The following SH3TC2 variants were observed in gnomAD, a reference collection of about 807,000 sequenced individuals.
SH3TC2 encodes the protein SH3 domain and tetratricopeptide repeats 2, also known as SH3 domain and tetratricopeptide repeat-containing protein 2.
Under a neutral mutation model 124.5 loss-of-function variants are expected in SH3TC2, and 87 were observed. The observed-to-expected ratio is 0.70, with a 90% confidence interval of 0.59 to 0.84. The LOEUF (loss-of-function observed/expected upper bound fraction) is 0.84, where lower values mean the gene tolerates loss of function less well. SH3TC2 is among the 40% of genes least tolerant of loss of function. The probability of loss-of-function intolerance (pLI) is 0.00; values close to 1 mark genes in which losing one functional copy is unlikely to be tolerated. For missense variants in SH3TC2, 1,536 were observed against 1,566.4 expected, an observed-to-expected ratio of 0.98 and a Z score of 0.33; for synonymous variants, 634 against 628.5, an observed-to-expected ratio of 1.01 and a Z score of -0.13.
rs1029057351 is a variant in SH3TC2, at chr5:148,988,805, T to A, written c.*15906A>T. 6.6e-6 allele frequency among the ~76,000 whole-genome samples: 1 copy of A among 152,200 alleles called. No homozygotes were observed. Among genetic ancestry groups the A allele is most frequent in the African/African-American group, 2.4e-5 (1 of 41,450 alleles). ...TGATAAGCTGTTTTAAATCAGAAAC[T>A]TTTGGGGTGGTTTGTTATGTCACTT... On this transcript the variant is annotated 3_prime_UTR_variant, in exon 17 of 17. Coordinates refer to ENST00000515425, the MANE Select transcript of SH3TC2 (RefSeq NM_024577.4).
chr5:149,061,638 C>G (rs1754750803), intron 1 of SH3TC2, among the ~76,000 whole-genome samples: 1 of 152,036 alleles, frequency 6.6e-6, no homozygotes. Context: ...GTAAAAGAAC[C>G]AAGATAAAAT....
Position 149,027,393 on chromosome 5 carries a change from A to G in SH3TC2, c.2339T>C (p.Leu780Pro). 3.1e-6 allele frequency: 5 copies of G among 1,614,150 alleles called. No individual in the cohort carries two copies. The highest frequency in any genetic ancestry group is 4.2e-6 in the Non-Finnish European group (5 of 1,180,032). ...CTGCCCTAGCACCAAGGCCTGGCTC[A>G]GGTAGTGGATGGCACCGTCAGGAGA... is the stretch of plus-strand genomic sequence containing the variant. ...HRSPDGAIHYLSQALVLGQLL... is the reference protein window; with the variant it reads ...HRSPDGAIHYPSQALVLGQLL... The change falls in exon 11 of 17, where the codon CTG becomes CCG. Residue 780 changes from leucine to proline, a missense_variant. Physicochemically the swap from Leu to Pro is moderately conservative, Grantham distance 98. Transcript: ENST00000515425.
intron 14 of SH3TC2, 64 bp from the exon 15 acceptor site, chr5:149,009,065 G>A: frequency 6.2e-7 from 1 of 1,601,152 alleles, no homozygotes; most frequent in Middle Eastern, 1.7e-4. Context: ...CCATAGCTAG[G>A]AGACTTATCT....
At chr5:149,015,053 A>G (rs1379212542) in intron 12 of SH3TC2, among the ~76,000 whole-genome samples, 5 of 152,148 alleles carry the variant, frequency 3.3e-5, no homozygotes, top group African/African-American at 1.2e-4. Context: ...CAGAGCCAGC[A>G]TTTGCTTCTG....
Position 149,017,211 on chromosome 5 carries a change from G to A in SH3TC2, c.3054-4477C>T, listed in dbSNP as rs142336101. Among the ~76,000 whole-genome samples, 19 of 152,236 alleles carry A rather than the reference G, an allele frequency of 1.2e-4. No homozygotes were observed. The East Asian group carries it at 3.1e-3, about 25-fold the overall frequency. On this transcript the variant is annotated intron_variant, in intron 12 of 16. Coordinates refer to ENST00000515425, the MANE Select transcript of SH3TC2 (RefSeq NM_024577.4). ...TTTTTAGCACAGTGCCTGGGCCATAGTAAATGCTCGGTAAATATTTGTTGA... is the reference window on the plus strand; with the variant it reads ...TTTTTAGCACAGTGCCTGGGCCATAATAAATGCTCGGTAAATATTTGTTGA...
Position 149,026,680 on chromosome 5 carries a change from G to C in SH3TC2, c.2945C>G (p.Thr982Ser). Reference protein sequence around the residue: ...SVSPNPEACITYHEHWLALAQ... With the variant: ...SVSPNPEACISYHEHWLALAQ... The stretch of plus-strand genomic sequence containing the variant: ...CAGGGCCAGCCAGTGCTCATGGTAG[G>C]TGATGCATGCCTCAGGGTTTGGGGA... Residue 982 changes from threonine to serine, a missense_variant, in exon 12 of 17, where the codon ACC (threonine) becomes AGC (serine). By Grantham distance (58) the Thr-to-Ser change is moderately conservative. Transcript: ENST00000515425. 6.2e-6 allele frequency: 10 copies of C among 1,614,224 alleles called. No individual in the cohort carries two copies. The highest frequency in any genetic ancestry group is 8.5e-6 in the Non-Finnish European group (10 of 1,180,048).
rs1753457748 is a variant in SH3TC2, at chr5:148,993,699, T to C, written c.*11012A>G. Among the ~76,000 whole-genome samples the C allele has an allele frequency of 6.6e-6, 1 of 152,132 alleles. No homozygotes were observed. Among genetic ancestry groups the C allele is most frequent in the Admixed American group, 6.5e-5 (1 of 15,268 alleles). Reference sequence around the variant, plus strand: ...GCTTGGTAAGTGATGGAGGCAATCATTTACAGATGATGCTCTGACAAGGGA... The same window carrying C: ...GCTTGGTAAGTGATGGAGGCAATCACTTACAGATGATGCTCTGACAAGGGA... On this transcript the variant is annotated 3_prime_UTR_variant, in exon 17 of 17. Transcript: ENST00000515425.
intron 3 of SH3TC2, chr5:149,046,627 G>A (rs12513809): frequency 0.034 from 5,162 of 152,184 alleles, 340 homozygotes; most frequent in Admixed American, 0.16. Flanking sequence ...AGTAAGCTGC[G>A]GAGCCTTGAT....
rs749263197 is a variant in SH3TC2 at position 148,999,045 on chromosome 5, T to C, written c.*5666A>G. ...GCTTCATTGTGACAGCTACCACCAA[T>C]TGACATTCATACCAAGCCATCCATA... On this transcript the variant is annotated 3_prime_UTR_variant, in exon 17 of 17. Coordinates refer to ENST00000515425, the MANE Select transcript of SH3TC2 (RefSeq NM_024577.4). Among the ~76,000 whole-genome samples the C allele has an allele frequency of 1.1e-4, 17 of 152,212 alleles. No individual in the cohort carries two copies. Among genetic ancestry groups the C allele is most frequent in the African/African-American group, 2.9e-4 (12 of 41,452 alleles).
Position 148,986,619 on chromosome 5 carries a change from C to T in SH3TC2, c.*18092G>A, listed in dbSNP as rs141547859. Among the ~76,000 whole-genome samples the T allele has an allele frequency of 7.2e-5, 11 of 152,304 alleles. No individual in the cohort carries two copies. Among genetic ancestry groups the T allele is most frequent in the Non-Finnish European group, 1.6e-4 (11 of 68,038 alleles). On this transcript the variant is annotated 3_prime_UTR_variant, in exon 17 of 17. Transcript: ENST00000515425. Reference sequence around the variant, plus strand: ...GAATTATCATTTTAAAAGTGAACTTCAATTAGATTATTCATACACAACAGG... The same window carrying T: ...GAATTATCATTTTAAAAGTGAACTTTAATTAGATTATTCATACACAACAGG...
intron 12 of SH3TC2, among the ~76,000 whole-genome samples, chr5:149,020,879 C>A (rs1038300520): frequency 1.2e-4 from 19 of 152,102 alleles, no homozygotes; most frequent in African/African-American, 4.6e-4. Flanking sequence ...AACACACTTT[C>A]AATAATGGAT....
Position 149,028,125 on chromosome 5 carries a change from C to T in SH3TC2, c.1607G>A (p.Arg536Gln), listed in dbSNP as rs369977771. 155 of 1,613,958 alleles carry T rather than the reference C, an allele frequency of 9.6e-5. 1 individual carries two copies. Among genetic ancestry groups the T allele is most frequent in the African/African-American group, 1.2e-4 (9 of 74,940 alleles). Residue 536 changes from arginine (R) to glutamine (Q), a missense_variant, in exon 11 of 17, where the codon CGG (arginine) becomes CAG (glutamine). This residue lies in a region of SH3TC2 where 1,102 missense variants were observed against 1,098.6 expected (regional missense o/e 1.00). Transcript: ENST00000515425. Reference protein sequence around the residue: ...AHARLCFLLGRLSIRKVKLSQ... With the variant: ...AHARLCFLLGQLSIRKVKLSQ... Reference sequence around the variant, plus strand: ...GAGTTTGACCTTCCTGATGCTCAGCCGGCCCAGGAGGAAGCAGAGACGGGC... The same window carrying T: ...GAGTTTGACCTTCCTGATGCTCAGCTGGCCCAGGAGGAAGCAGAGACGGGC...
Position 148,986,855 on chromosome 5 carries a change from A to G in SH3TC2, c.*17856T>C, listed in dbSNP as rs1753340822. On this transcript the variant is annotated 3_prime_UTR_variant, in exon 17 of 17. Transcript: ENST00000515425. ...CGTTGTATAAACAGCATCAAGTGTT[A>G]ACTTGTTAAAACAGTTACACCCAAA... Among the ~76,000 whole-genome samples, 2 of 152,210 alleles carry G rather than the reference A, an allele frequency of 1.3e-5. No homozygotes were observed. Among genetic ancestry groups the G allele is most frequent in the South Asian group, 2.1e-4 (1 of 4,832 alleles).
chr5:149,037,644 C>T lies in SH3TC2; in HGVS notation c.1001+651G>A, dbSNP rs73795757. Among the ~76,000 whole-genome samples, 311 of 152,264 alleles carry T rather than the reference C, an allele frequency of 2.0e-3. 1 individual carries two copies. The highest frequency in any genetic ancestry group is 7.2e-3 in the African/African-American group (300 of 41,560). ...CTGCGCCCAGGCTTTCTACTGTTTC[C>T]TATCCCCACATAGGAAGCCCACTCC... On this transcript the variant is annotated intron_variant, in intron 8 of 16. Coordinates refer to ENST00000515425, the MANE Select transcript of SH3TC2 (RefSeq NM_024577.4).
At chr5:149,048,527 T>C (rs1754505793) in intron 2 of SH3TC2, among the ~76,000 whole-genome samples, 1 of 152,242 alleles carries the variant, frequency 6.6e-6, no homozygotes, top group East Asian at 1.9e-4. Context: ...TTAATGTTTA[T>C]CAGGGTAATT....
At chr5:149,045,838 G>C (rs1158469594) in intron 3 of SH3TC2, 3 of 224,338 alleles carry the variant, frequency 1.3e-5, no homozygotes, top group Non-Finnish European at 1.8e-5. Flanking sequence ...GTAGAGATGG[G>C]GTTTCACCAT....
In SH3TC2 at chr5:149,001,934, G is replaced by A. The variant is rs940737651; in HGVS notation, c.*2777C>T. The stretch of plus-strand genomic sequence containing the variant: ...CAATTGAGAAAGATCTGTCCAAACA[G>A]AAGTTCAAGTCAGAAGACACAGAAG... On this transcript the variant is annotated 3_prime_UTR_variant, in exon 17 of 17. Transcript: ENST00000515425. 22 of 152,246 alleles carry A rather than the reference G, an allele frequency of 1.4e-4. No individual in the cohort carries two copies. Among genetic ancestry groups the A allele is most frequent in the African/African-American group, 4.3e-4 (18 of 41,460 alleles). The allele number at this position is 152,246 out of a possible 1,614,324, so 9.4% of individuals were successfully genotyped here. A position where few individuals can be genotyped will look rare whatever the true frequency, so the allele number is the denominator to read the frequency against.
rs1384337691 is a variant in SH3TC2 at position 148,995,619 on chromosome 5, T to C, written c.*9092A>G. Among the ~76,000 whole-genome samples the C allele has an allele frequency of 6.6e-6, 1 of 152,176 alleles. No individual in the cohort carries two copies. Among genetic ancestry groups the C allele is most frequent in the Non-Finnish European group, 1.5e-5 (1 of 68,028 alleles). The stretch of plus-strand genomic sequence containing the variant: ...ACTCATGAGCAATAAGTAGTTATAT[T>C]ATAGTTTTAAAACTTTCTCCCTGAA... On this transcript the variant is annotated 3_prime_UTR_variant, in exon 17 of 17. Coordinates refer to ENST00000515425, the MANE Select transcript of SH3TC2 (RefSeq NM_024577.4).
At chr5:149,015,474 A>G (rs1430742548) in intron 12 of SH3TC2, among the ~76,000 whole-genome samples, 1 of 152,216 alleles carries the variant, frequency 6.6e-6, no homozygotes, top group Non-Finnish European at 1.5e-5. Context: ...CCAAAGAAGC[A>G]TGGAGCACTG....
Sources: gnomAD v4.1 joint callset for allele counts (sites outside exome capture counted in the v4.1 genomes callset) on GRCh38, gnomAD v4.1.1 for gene constraint, gnomAD v4.1.1 regional missense constraint, MANE v1.5 for transcripts, NCBI Gene and HGNC (gene_info 2026-07-23, HGNC 2026-07-21) for gene names.